Variants in MAST4 observed in about 807,000 individuals in gnomAD.
MAST4 encodes the protein microtubule associated serine/threonine kinase family member 4.
MAST4 carries 89 observed loss-of-function variants against 162.7 expected under a neutral mutation model. That is an observed-to-expected ratio of 0.55 (90% CI 0.46 to 0.65). The LOEUF is 0.65. MAST4 is among the 30% of genes least tolerant of loss of function. MAST4 has a pLI of 0.00. For synonymous variants in MAST4, 1,479 were observed against 1,361.1 expected (o/e 1.09, Z -1.91); for missense variants, 3,153 against 3,374.0 (o/e 0.93, Z 1.62).
At chr5:66,726,801 C>G (rs541990183) in intron 1 of MAST4, among the ~76,000 whole-genome samples, 1 of 152,190 alleles carries the variant, frequency 6.6e-6, no homozygotes, top group Non-Finnish European at 1.5e-5. Flanking sequence ...ACTGCGCATA[C>G]GAGGGATCTA....
At chr5:67,072,473 C>G (rs910248307) in intron 5 of MAST4, among the ~76,000 whole-genome samples, 4 of 152,238 alleles carry the variant, frequency 2.6e-5, no homozygotes, top group African/African-American at 9.6e-5. Context: ...ATACCAGAAG[C>G]ATTTTGTTAA....
At chr5:66,774,553 C>T (rs531640179) in intron 2 of MAST4, among the ~76,000 whole-genome samples, 1 of 152,262 alleles carries the variant, frequency 6.6e-6, no homozygotes, top group East Asian at 1.9e-4. Flanking sequence ...TCCTTTGATA[C>T]CACCTTAATG....
chr5:66,919,279 G>A (rs1056178996), intron 4 of MAST4, among the ~76,000 whole-genome samples: 9 of 152,200 alleles, frequency 5.9e-5, no homozygotes, highest in Non-Finnish European at 1.3e-4. Context: ...ACCAAAAAAG[G>A]ATAGTCAACT....
At position 66,706,608 on chromosome 5, in the gene MAST4, A is replaced by AT. The variant is rs11294899; in HGVS notation, c.364-53087dup. On this transcript the variant is annotated intron_variant, in intron 1 of 28. Coordinates refer to ENST00000403625, the MANE Select transcript of MAST4 (RefSeq NM_001164664.2). The stretch of plus-strand genomic sequence containing the variant: ...CTGAGTAATGATGAAAGAAATAGTA[A>AT]TTTTTTTTTTTTTTGTTGAAGTGAT... Among the ~76,000 whole-genome samples the AT allele has an allele frequency of 1.3e-3, 187 of 149,242 alleles. 1 individual carries two copies. Among genetic ancestry groups the AT allele is most frequent in the African/African-American group, 3.4e-3 (139 of 40,764 alleles).
intron 2 of MAST4, among the ~76,000 whole-genome samples, chr5:66,766,817 G>A (rs1244604748): frequency 3.3e-5 from 5 of 152,164 alleles, no homozygotes; most frequent in Non-Finnish European, 7.3e-5. Context: ...AAGAATGCCT[G>A]TATAAAAATG....
chr5:66,614,744 G>A (rs1743551883), intron 1 of MAST4, among the ~76,000 whole-genome samples: 1 of 152,160 alleles, frequency 6.6e-6, no homozygotes. Context: ...ACCTCCCAAC[G>A]TGATGGGGCT....
chr5:66,902,290 T>G (rs559680237), intron 4 of MAST4, among the ~76,000 whole-genome samples: 13 of 152,338 alleles, frequency 8.5e-5, no homozygotes, highest in African/African-American at 2.9e-4. Context: ...AAAAGCCCTC[T>G]ATTTTGATAT....
At chr5:67,002,066 A>G (rs1751357957) in intron 4 of MAST4, 1 of 152,030 alleles carries the variant, frequency 6.6e-6, no homozygotes, top group African/African-American at 2.4e-5. Context: ...GTGAGCACAA[A>G]AAGTTATTCT....
intron 3 of MAST4, among the ~76,000 whole-genome samples, chr5:66,846,505 TTTCCTG>T (rs1287816910): frequency 6.6e-6 from 1 of 152,212 alleles, no homozygotes; most frequent in Non-Finnish European, 1.5e-5. Flanking sequence ...AGAGGCAGGC[TTTCCTG>T]GTCTATGGAG....
At chr5:66,956,849 GA>G (rs149467338) in intron 4 of MAST4, among the ~76,000 whole-genome samples, 1,982 of 152,308 alleles carry the variant, frequency 0.013, 24 homozygotes, top group Non-Finnish European at 0.021. Context: ...CCAAGGTGTA[GA>G]GGGTACCAGG....
At chr5:66,740,899 TCA>T (rs1334497096) in intron 1 of MAST4, among the ~76,000 whole-genome samples, 1 of 152,190 alleles carries the variant, frequency 6.6e-6, no homozygotes, top group African/African-American at 2.4e-5. Flanking sequence ...TTCGAAAACC[TCA>T]GTTTCCTTAT....
intron 26 of MAST4, 74 bp from the exon 27 acceptor site, chr5:67,160,382 T>TG (rs1255072536): frequency 1.4e-6 from 2 of 1,392,614 alleles, no homozygotes; most frequent in Non-Finnish European, 1.9e-6. Context: ...TATTTGTCTA[T>TG]GAATCTCTCA....
At chr5:66,941,675 T>C (rs1325311983) in intron 4 of MAST4, among the ~76,000 whole-genome samples, 1 of 152,206 alleles carries the variant, frequency 6.6e-6, no homozygotes, top group Non-Finnish European at 1.5e-5. Context: ...CCTTTGCATT[T>C]ACAACTTCGC....
intron 3 of MAST4, among the ~76,000 whole-genome samples, chr5:66,861,624 T>C (rs1182841492): frequency 6.6e-6 from 1 of 152,190 alleles, no homozygotes; most frequent in Non-Finnish European, 1.5e-5. Flanking sequence ...AATGCTGTGT[T>C]TTACATTCTC....
At chr5:67,033,066 A>G (rs1271603380) in intron 4 of MAST4, among the ~76,000 whole-genome samples, 1 of 152,062 alleles carries the variant, frequency 6.6e-6, no homozygotes, top group Non-Finnish European at 1.5e-5. Flanking sequence ...ATGAATGGTC[A>G]TACTTAAAAT....
chr5:66,686,513 C>T (rs965283533), intron 1 of MAST4, among the ~76,000 whole-genome samples: 3 of 152,062 alleles, frequency 2.0e-5, no homozygotes, highest in African/African-American at 7.2e-5. Context: ...AGAATTGTTC[C>T]TTAACATTAC....
intron 14 of MAST4, among the ~76,000 whole-genome samples, chr5:67,121,617 G>A (rs532086550): frequency 6.6e-6 from 1 of 151,322 alleles, no homozygotes; most frequent in East Asian, 1.9e-4. Flanking sequence ...GCCACACTGG[G>A]AGAAGAACTG....
At chr5:66,597,408 G>A (rs1002093700) in intron 1 of MAST4, among the ~76,000 whole-genome samples, 2 of 152,194 alleles carry the variant, frequency 1.3e-5, no homozygotes, top group Non-Finnish European at 2.9e-5. Flanking sequence ...GGGCCGAGGG[G>A]CAGGGAGTTG....
intron 4 of MAST4, among the ~76,000 whole-genome samples, chr5:67,047,691 C>T (rs1031788597): frequency 1.3e-5 from 2 of 152,142 alleles, no homozygotes; most frequent in Non-Finnish European, 2.9e-5. Context: ...ATCTTAGGCA[C>T]TCAGAAAGTA....
Sources: allele counts gnomAD v4.1 joint callset (sites outside exome capture counted in the v4.1 genomes callset), GRCh38; gene constraint gnomAD v4.1.1; transcripts MANE v1.5; gene names NCBI Gene and HGNC (gene_info 2026-07-23, HGNC 2026-07-21).